GDAP1: variants seen among roughly 807,000 people sequenced by gnomAD.
The protein encoded by GDAP1 is ganglioside induced differentiation associated protein 1.
A neutral mutation model predicts 40.1 loss-of-function variants in GDAP1; 34 were observed. The ratio of observed to expected loss-of-function variants is 0.85; its 90% CI spans 0.64 to 1.13. The LOEUF (loss-of-function observed/expected upper bound fraction) is 1.13. Ranked by LOEUF, GDAP1 falls within the 50% of genes most tolerant of loss-of-function variation. The pLI, the probability that GDAP1 is intolerant of heterozygous loss-of-function variation, is 0.00. For missense variants in GDAP1, 374 were observed against 433.7 expected (o/e 0.86, Z 1.22); for synonymous variants, 170 against 157.4 (o/e 1.08, Z -0.60).
rs774476301 is a variant in GDAP1 at position 74,364,298 on chromosome 8, T to C, written c.1008T>C (p.Ala336=). Residue 336 remains alanine (A), a synonymous_variant, in exon 6 of 6, where the codon GCT becomes GCC. Coordinates refer to ENST00000220822, the MANE Select transcript of GDAP1 (RefSeq NM_018972.4). ...VGLLAGVGYF[A]FMLFRKRLGS... ...TGCTTGCAGGAGTGGGATATTTTGC[T>C]TTTATGCTTTTCAGAAAGAGGCTTG... is the stretch of plus-strand genomic sequence containing the variant. 1.9e-6 allele frequency: 3 copies of C among 1,614,140 alleles called. No homozygotes were observed. Among genetic ancestry groups the C allele is most frequent in the South Asian group, 2.2e-5 (2 of 91,074 alleles).
intron 2 of GDAP1, among the ~76,000 whole-genome samples, chr8:74,470,814 C>T (rs1219918828): frequency 1.3e-5 from 2 of 152,162 alleles, no homozygotes; most frequent in South Asian, 2.1e-4. Flanking sequence ...TTCTAGATCC[C>T]TGAGGAATCG....
rs567506434 is a variant in GDAP1 at position 74,358,090 on chromosome 8, G to T, written c.311-2047G>T. ...TGGGGAGATAACTTGGGTTCAGTGG[G>T]TATCTCATGCTCTGACAGAGTGCTT... On this transcript the variant is annotated intron_variant, in intron 2 of 5. Coordinates refer to ENST00000220822, the MANE Select transcript of GDAP1 (RefSeq NM_018972.4). 5.9e-5 allele frequency among the ~76,000 whole-genome samples: 9 copies of T among 152,344 alleles called. No homozygotes were observed. The East Asian group carries it at 1.7e-3, about 29-fold the overall frequency.
At chr8:74,414,864 G>C (rs1361358958) in intron 2 of GDAP1, among the ~76,000 whole-genome samples, 2 of 149,704 alleles carry the variant, frequency 1.3e-5, no homozygotes, top group Admixed American at 6.6e-5. Context: ...AAACACAAAA[G>C]AATACATGTC....
chr8:74,412,060 A>G (rs958020730), intron 2 of GDAP1, among the ~76,000 whole-genome samples: 3 of 149,894 alleles, frequency 2.0e-5, no homozygotes, highest in Non-Finnish European at 4.4e-5. Context: ...AAAATTTGAG[A>G]TAAAAGTTGG....
chr8:74,461,913 G>A (rs1415342888), intron 2 of GDAP1, among the ~76,000 whole-genome samples: 2 of 152,182 alleles, frequency 1.3e-5, no homozygotes, highest in Non-Finnish European at 2.9e-5. Context: ...TTCTGTTCCA[G>A]CAGAAAGCAT....
intron 2 of GDAP1, among the ~76,000 whole-genome samples, chr8:74,464,684 C>T (rs1054825345): frequency 1.3e-5 from 2 of 152,094 alleles, no homozygotes; most frequent in African/African-American, 4.8e-5. Flanking sequence ...TTGAGTTGGG[C>T]CTGGATGTGA....
intron 2 of GDAP1, among the ~76,000 whole-genome samples, chr8:74,456,750 A>G (rs994019958): frequency 1.3e-5 from 2 of 152,052 alleles, no homozygotes; most frequent in Non-Finnish European, 2.9e-5. Context: ...TAAAATACTC[A>G]TGATACTGAA....
intron 2 of GDAP1, among the ~76,000 whole-genome samples, chr8:74,395,686 G>A (rs576328439): frequency 6.6e-6 from 1 of 152,274 alleles, no homozygotes; most frequent in South Asian, 2.1e-4. Flanking sequence ...TAACATGGGA[G>A]TGGATTTAAT....
chr8:74,444,454 A>G (rs1186663903), intron 2 of GDAP1, among the ~76,000 whole-genome samples: 3 of 152,214 alleles, frequency 2.0e-5, no homozygotes, highest in Non-Finnish European at 4.4e-5. Flanking sequence ...GGGTAGTAAA[A>G]GTTCAGAAGT....
chr8:74,438,862 A>G lies in GDAP1; in HGVS notation c.166-49816A>G, dbSNP rs970504608. On this transcript the variant is annotated intron_variant, in intron 2 of 2. Transcript: ENST00000523640. Reference sequence around the variant, plus strand: ...AGTAATGCTCTTGCCTCAGCTTCCCAAAGTGTTAAGATTACAGGCATGAGC... The same window carrying G: ...AGTAATGCTCTTGCCTCAGCTTCCCGAAGTGTTAAGATTACAGGCATGAGC... Among the ~76,000 whole-genome samples the G allele has an allele frequency of 2.6e-5, 4 of 152,198 alleles. No homozygotes were observed. In the East Asian group the frequency reaches 7.7e-4, roughly 29 times the overall value.
downstream of GDAP1, among the ~76,000 whole-genome samples, chr8:74,370,474 A>G (rs1321011730): frequency 6.6e-6 from 1 of 152,226 alleles, no homozygotes; most frequent in Non-Finnish European, 1.5e-5. Context: ...TTGACACTAA[A>G]TAAACTCTGA....
chr8:74,429,106 G>A (rs7387399), intron 2 of GDAP1, among the ~76,000 whole-genome samples: 23,169 of 151,746 alleles, frequency 0.15, 2,333 homozygotes, highest in Admixed American at 0.29. Context: ...TCTTAATCCA[G>A]TCTATCATTG....
chr8:74,392,133 A>C (rs770137993), intron 2 of GDAP1, among the ~76,000 whole-genome samples: 1 of 152,088 alleles, frequency 6.6e-6, no homozygotes, highest in Non-Finnish European at 1.5e-5. Flanking sequence ...ATTTTTATTT[A>C]ATAATACATA....
chr8:74,413,065 C>CAAAAAA (rs71269990), intron 2 of GDAP1, among the ~76,000 whole-genome samples: 17,919 of 57,086 alleles, frequency 0.31, 5,365 homozygotes, highest in Middle Eastern at 0.44. Context: ...GACTCTGTCT[C>CAAAAAA]AAAAAAAAAA....
chr8:74,360,507 A>T (rs1809312425), intron 3 of GDAP1, among the ~76,000 whole-genome samples, 197 bp downstream of exon 3: 1 of 152,122 alleles, frequency 6.6e-6, no homozygotes, highest in Non-Finnish European at 1.5e-5. Context: ...TTGGACATTT[A>T]TTGTCTATAG....
intron 2 of GDAP1, among the ~76,000 whole-genome samples, chr8:74,485,377 C>T (rs1214071386): frequency 6.6e-6 from 1 of 152,112 alleles, no homozygotes; most frequent in Non-Finnish European, 1.5e-5. Flanking sequence ...CCTGGCTTTC[C>T]AGGGACACCC....
Position 74,365,589 on chromosome 8 carries a change from A to G in GDAP1, c.*1222A>G. The G allele has an allele frequency of 4.4e-6, 2 of 454,554 alleles. No homozygotes were observed. The highest frequency in any genetic ancestry group is 1.6e-5 in the South Asian group (1 of 64,482). 28.2% of individuals were successfully genotyped at this position (454,554 alleles called of 1,614,324 possible). On this transcript the variant is annotated 3_prime_UTR_variant, in exon 6 of 6. Coordinates refer to ENST00000220822, the MANE Select transcript of GDAP1 (RefSeq NM_018972.4). ...TTCTGGTGTCTGGTGGGTAGCAGGC[A>G]TAGAGATGATGTGCCGAGGTCCCAG...
At chr8:74,416,300 T>C (rs1012920254) in intron 2 of GDAP1, among the ~76,000 whole-genome samples, 1 of 150,126 alleles carries the variant, frequency 6.7e-6, no homozygotes, top group African/African-American at 2.5e-5. Flanking sequence ...GTGGCTCTGC[T>C]CATTGCCTGA....
At chr8:74,449,769 A>G (rs536570600) in intron 2 of GDAP1, among the ~76,000 whole-genome samples, 17 of 151,756 alleles carry the variant, frequency 1.1e-4, no homozygotes, top group African/African-American at 4.1e-4. Context: ...AATTAGTTTG[A>G]CTTTTTTTGT....
Sources: allele counts gnomAD v4.1 joint callset (sites outside exome capture counted in the v4.1 genomes callset), GRCh38; gene constraint gnomAD v4.1.1; transcripts MANE v1.5; gene names NCBI Gene and HGNC (gene_info 2026-07-23, HGNC 2026-07-21).